Variants in KIF6 observed in about 807,000 individuals in gnomAD.
KIF6 encodes kinesin-like protein KIF6.
KIF6 carries 106 observed loss-of-function variants against 112.7 expected under a neutral mutation model. The observed-to-expected ratio is 0.94, with a 90% CI of 0.80 to 1.11. The LOEUF is 1.11. Ranked by LOEUF, KIF6 falls within the 50% of genes least tolerant of loss-of-function variation. The probability of loss-of-function intolerance (pLI) is 0.00; values close to 1 mark genes in which losing one functional copy is unlikely to be tolerated. For missense variants in KIF6, 929 were observed against 964.0 expected (o/e 0.96, Z 0.48); for synonymous variants, 339 against 339.9 (o/e 1.00, Z 0.03).
intron 13 of KIF6, among the ~76,000 whole-genome samples, chr6:39,530,830 T>G (rs1562291699): frequency 6.6e-6 from 1 of 152,226 alleles, no homozygotes; most frequent in Non-Finnish European, 1.5e-5. Flanking sequence ...CAGAAATTCT[T>G]TCAAAACAAC....
chr6:39,635,700 C>T (rs561216837), intron 4 of KIF6, among the ~76,000 whole-genome samples: 6 of 152,188 alleles, frequency 3.9e-5, no homozygotes, highest in Admixed American at 1.3e-4. Context: ...GTGCCTGGTC[C>T]TAGTCTCAAT....
At chr6:39,439,595 T>C (rs1403737944) in intron 13 of KIF6, among the ~76,000 whole-genome samples, 5 of 152,186 alleles carry the variant, frequency 3.3e-5, no homozygotes, top group Admixed American at 6.5e-5. Flanking sequence ...TAGGTAGAAA[T>C]GGTAGTCAAC....
At chr6:39,568,345 A>G (rs1444784736) in intron 10 of KIF6, among the ~76,000 whole-genome samples, 2 of 152,146 alleles carry the variant, frequency 1.3e-5, no homozygotes, top group Non-Finnish European at 2.9e-5. Flanking sequence ...AGAAATGGTG[A>G]GGAGACCAGA....
intron 3 of KIF6, among the ~76,000 whole-genome samples, chr6:39,643,866 A>C (rs902872562): frequency 6.6e-6 from 1 of 152,176 alleles, no homozygotes; most frequent in Non-Finnish European, 1.5e-5. Context: ...AGACACAATC[A>C]AGTAAGTGAA....
chr6:39,352,984 A>G (rs1288651509), intron 19 of KIF6, among the ~76,000 whole-genome samples: 1 of 152,166 alleles, frequency 6.6e-6, no homozygotes, highest in Admixed American at 6.5e-5. Context: ...GTTTTGGGCA[A>G]TTATAAATAA....
chr6:39,481,581 T>A (rs1176123842), intron 13 of KIF6, among the ~76,000 whole-genome samples: 44 of 152,174 alleles, frequency 2.9e-4, no homozygotes, highest in Admixed American at 2.9e-3. Flanking sequence ...CCCAAATACC[T>A]TGTTAGACAG....
At chr6:39,557,665 T>C (rs1246883297) in intron 10 of KIF6, among the ~76,000 whole-genome samples, 2 of 152,220 alleles carry the variant, frequency 1.3e-5, no homozygotes, top group East Asian at 3.9e-4. Context: ...AAATTTTGTA[T>C]ATATTTTTTT....
chr6:39,515,740 C>T (rs1398941734), intron 13 of KIF6, among the ~76,000 whole-genome samples: 1 of 152,162 alleles, frequency 6.6e-6, no homozygotes, highest in Admixed American at 6.5e-5. Context: ...CTTTCCCCTG[C>T]TGACTGACTC....
At chr6:39,523,319 C>T (rs1408123144) in intron 13 of KIF6, among the ~76,000 whole-genome samples, 3 of 152,118 alleles carry the variant, frequency 2.0e-5, no homozygotes, top group African/African-American at 7.2e-5. Context: ...CCAAATTACT[C>T]TGCACATTGC....
At chr6:39,437,796 G>A (rs1771632235) in intron 13 of KIF6, among the ~76,000 whole-genome samples, 1 of 152,102 alleles carries the variant, frequency 6.6e-6, no homozygotes, top group Non-Finnish European at 1.5e-5. Flanking sequence ...TGTCATAGTT[G>A]TCATAATGTC....
intron 13 of KIF6, among the ~76,000 whole-genome samples, chr6:39,505,570 C>T (rs1196365081): frequency 1.3e-5 from 2 of 152,192 alleles, no homozygotes; most frequent in South Asian, 2.1e-4. Flanking sequence ...AGACAACCTA[C>T]AGAATGGGAG....
chr6:39,357,195 G>A, intron 19 of KIF6, 82 bp downstream of exon 19: 1 of 790,340 alleles, frequency 1.3e-6, no homozygotes, highest in Non-Finnish European at 2.1e-6. Context: ...CAAGAGACAT[G>A]AGAGCCACAG....
intron 6 of KIF6, among the ~76,000 whole-genome samples, chr6:39,610,163 C>G (rs1335598514): frequency 2.0e-5 from 3 of 152,142 alleles, no homozygotes; most frequent in Non-Finnish European, 4.4e-5. Flanking sequence ...GACTGGTGGA[C>G]TTGGATGCTG....
chr6:39,576,952 T>A (rs935778925), intron 10 of KIF6, among the ~76,000 whole-genome samples: 2 of 152,214 alleles, frequency 1.3e-5, no homozygotes, highest in Non-Finnish European at 2.9e-5. Flanking sequence ...ATTCCCTTCT[T>A]TGAGGGGAAA....
chr6:39,369,917 C>T (rs1190691744), intron 16 of KIF6, among the ~76,000 whole-genome samples: 3 of 152,178 alleles, frequency 2.0e-5, no homozygotes, highest in Non-Finnish European at 4.4e-5. Flanking sequence ...TTATCACCAC[C>T]ACTAAGAGCC....
intron 3 of KIF6, among the ~76,000 whole-genome samples, chr6:39,663,638 C>T (rs570302118): frequency 3.2e-4 from 48 of 151,790 alleles, no homozygotes; most frequent in South Asian, 6.2e-4. Context: ...CTGGAGAGAA[C>T]GGAGCCAATG....
chr6:39,531,851 T>C lies in KIF6; in HGVS notation c.1645+8152A>G, dbSNP rs529003752. ...GGACTTCTGCTATGGCCTCCTAACT[T>C]GTCATGCAGTCTTAGTGTCCTCTGT... On this transcript the variant is annotated intron_variant, in intron 13 of 22. Coordinates refer to ENST00000287152, the MANE Select transcript of KIF6 (RefSeq NM_145027.6). Among the ~76,000 whole-genome samples, 7 of 152,274 alleles carry C rather than the reference T, an allele frequency of 4.6e-5. No individual in the cohort carries two copies. The South Asian group carries it at 1.4e-3, about 32-fold the overall frequency.
chr6:39,471,164 G>T (rs554658358), intron 13 of KIF6, among the ~76,000 whole-genome samples: 1 of 152,142 alleles, frequency 6.6e-6, no homozygotes, highest in East Asian at 1.9e-4. Context: ...CTTTTCCCTT[G>T]GTATCTTTTA....
chr6:39,681,192 A>G (rs1260209042), intron 3 of KIF6, among the ~76,000 whole-genome samples: 1 of 152,250 alleles, frequency 6.6e-6, no homozygotes, highest in Non-Finnish European at 1.5e-5. Flanking sequence ...CGATTTGAAC[A>G]CAATGACCAT....
Sources: gnomAD v4.1 joint callset for allele counts (sites outside exome capture counted in the v4.1 genomes callset) on GRCh38, gnomAD v4.1.1 for gene constraint, MANE v1.5 for transcripts, NCBI Gene and HGNC (gene_info 2026-07-23, HGNC 2026-07-21) for gene names.